P3H2: variants seen among roughly 807,000 people sequenced by gnomAD.
P3H2 encodes prolyl 3-hydroxylase 2.
In P3H2, 80 loss-of-function variants were observed where a neutral mutation model predicts 87.0. That is an observed-to-expected ratio of 0.92 (90% confidence interval 0.77 to 1.11). P3H2 has a LOEUF of 1.11. P3H2 is among the 50% of genes least tolerant of loss of function. P3H2 has a pLI of 0.00. For synonymous variants in P3H2, 367 were observed against 359.3 expected, an observed-to-expected ratio of 1.02 and a Z score of -0.24; for missense variants, 1,001 against 923.9, an observed-to-expected ratio of 1.08 and a Z score of -1.08.
At chr3:190,094,213 C>T (rs2108987547) in intron 1 of P3H2, among the ~76,000 whole-genome samples, 1 of 152,310 alleles carries the variant, frequency 6.6e-6, no homozygotes, top group Admixed American at 6.5e-5. Context: ...ACTATTTCTT[C>T]CACCCAGGAA....
At chr3:189,964,242 A>T in intron 13 of P3H2, 144 bp from the exon 14 acceptor site, 1 of 784,114 alleles carries the variant, frequency 1.3e-6, no homozygotes. Flanking sequence ...GATGTAAATT[A>T]TCTCAATTTT....
chr3:190,050,292 T>C (rs1725937975), intron 1 of P3H2, among the ~76,000 whole-genome samples: 1 of 152,148 alleles, frequency 6.6e-6, no homozygotes, highest in African/African-American at 2.4e-5. Context: ...GTAATGCAAT[T>C]CCTTTTTCCT....
chr3:190,007,985 TAG>T (rs1724448755), intron 1 of P3H2, among the ~76,000 whole-genome samples: 4 of 136,866 alleles, frequency 2.9e-5, no homozygotes, highest in African/African-American at 1.1e-4. Flanking sequence ...TATATATATA[TAG>T]TAAACTTCAG....
At position 190,045,159 on chromosome 3, in the gene P3H2, A is replaced by T. The variant is rs139858565; in HGVS notation, c.481-49717T>A. The stretch of plus-strand genomic sequence containing the variant: ...CTTTGGCATCTCTGAGGAAAAGAAA[A>T]ACATGCTGGATTTTATAGGACCTAA... On this transcript the variant is annotated intron_variant, in intron 1 of 14. Coordinates refer to ENST00000319332, the MANE Select transcript of P3H2 (RefSeq NM_018192.4). Among the ~76,000 whole-genome samples the T allele has an allele frequency of 6.1e-3, 932 of 152,294 alleles. 9 individuals carry two copies. Among genetic ancestry groups the T allele is most frequent in the African/African-American group, 0.02 (824 of 41,556 alleles).
intron 1 of P3H2, among the ~76,000 whole-genome samples, chr3:190,046,810 T>C (rs1725822061): frequency 6.6e-6 from 1 of 152,070 alleles, no homozygotes; most frequent in African/African-American, 2.4e-5. Context: ...TTTAGGGTAA[T>C]TTACCCTATT....
intron 1 of P3H2, among the ~76,000 whole-genome samples, chr3:190,077,222 A>C (rs546581936): frequency 6.6e-6 from 1 of 152,328 alleles, no homozygotes; most frequent in African/African-American, 2.4e-5. Flanking sequence ...GCCTGACAGC[A>C]GACCTGGTCT....
Position 189,963,973 on chromosome 3 carries a change from T to G in P3H2, c.2019A>C (p.Pro673=). 1 of 1,614,188 alleles carries G rather than the reference T, an allele frequency of 6.2e-7. No homozygotes were observed. The highest frequency in any genetic ancestry group is 8.5e-7 in the Non-Finnish European group (1 of 1,180,024). Residue 673 remains proline, a synonymous_variant, in exon 14 of 15, where the codon CCA becomes CCC. Coordinates refer to ENST00000319332, the MANE Select transcript of P3H2 (RefSeq NM_018192.4). ...AGAAACTCACCAATTCTCTATAAAG[T>G]GGGTCCAAGGTGAACCACAGAGCCA... is the stretch of plus-strand genomic sequence containing the variant. The part of the protein sequence containing the change: ...CAVALWFTLD[P]LYRELERIQA...
intron 1 of P3H2, among the ~76,000 whole-genome samples, chr3:190,049,703 A>T (rs1219185450): frequency 6.6e-6 from 1 of 152,178 alleles, no homozygotes; most frequent in East Asian, 1.9e-4. Flanking sequence ...ATACACACAA[A>T]CACAAACACA....
At chr3:190,093,095 T>C (rs973307003) in intron 1 of P3H2, among the ~76,000 whole-genome samples, 2 of 152,200 alleles carry the variant, frequency 1.3e-5, no homozygotes, top group African/African-American at 4.8e-5. Flanking sequence ...AGGGACACAG[T>C]TTGAGAAGTA....
intron 14 of P3H2, among the ~76,000 whole-genome samples, chr3:189,959,361 C>G (rs960318743): frequency 2.7e-5 from 4 of 149,764 alleles, no homozygotes; most frequent in African/African-American, 7.4e-5. Flanking sequence ...CCCACTAACT[C>G]GTCATCTAGC....
intron 1 of P3H2, among the ~76,000 whole-genome samples, chr3:190,012,474 G>A (rs1022800191): frequency 1.3e-5 from 2 of 152,254 alleles, no homozygotes; most frequent in East Asian, 1.9e-4. Context: ...CTGACTGCTC[G>A]TGGTTTACCT....
rs1283699180 is a variant in P3H2 at position 189,987,565 on chromosome 3, C to G, written c.1060G>C (p.Asp354His). 6.2e-7 allele frequency: 1 copy of G among 1,613,936 alleles called. No homozygotes were observed. Among genetic ancestry groups the G allele is most frequent in the Non-Finnish European group, 8.5e-7 (1 of 1,180,006 alleles). Residue 354 changes from aspartate (D) to histidine (H), a missense_variant, in exon 5 of 15, where the codon GAT becomes CAT. Asp to His is a moderately conservative substitution (Grantham distance 81). Transcript: ENST00000319332. ...DNVDYYESLLDDSIDPASIEA... is the reference protein window; with the variant it reads ...DNVDYYESLLHDSIDPASIEA... The stretch of plus-strand genomic sequence containing the variant: ...ATGGATGCCGGGTCAATGCTATCAT[C>G]CAGCAGACTCTCATAGTAATCCACA...
rs374016908 is a variant in P3H2 at position 190,023,507 on chromosome 3, G to A, written c.481-28065C>T. Among the ~76,000 whole-genome samples, 8 of 152,250 alleles carry A rather than the reference G, an allele frequency of 5.3e-5. No homozygotes were observed. The South Asian group carries it at 6.2e-4, about 12-fold the overall frequency. On this transcript the variant is annotated intron_variant, in intron 1 of 14. Transcript: ENST00000319332. ...AGGAAGGAGAAGTGCCGAGTGAAGC[G>A]GGTAGAGCCCCTTATAAAACCATCA...
At chr3:189,964,142 A>G in intron 13 of P3H2, 44 bp from the exon 14 acceptor site, 1 of 1,569,680 alleles carries the variant, frequency 6.4e-7, no homozygotes, top group Non-Finnish European at 8.8e-7. Flanking sequence ...GTTGTATCAT[A>G]AACATTTCCA....
At position 190,021,005 on chromosome 3, in the gene P3H2, T is replaced by C. The variant is rs1414965188; in HGVS notation, c.481-25563A>G. Reference sequence around the variant, plus strand: ...AGACTCAAAAAGGCAAAATAATGTTTTCAAAGTCACTTGGAAAAATCTGAG... The same window carrying C: ...AGACTCAAAAAGGCAAAATAATGTTCTCAAAGTCACTTGGAAAAATCTGAG... On this transcript the variant is annotated intron_variant, in intron 1 of 14. Transcript: ENST00000319332. 3.0e-5 allele frequency among the ~76,000 whole-genome samples: 4 copies of C among 134,470 alleles called. 2 individuals carry two copies. The highest frequency in any genetic ancestry group is 6.6e-5 in the Non-Finnish European group (4 of 60,296). The allele number at this position is 134,470 out of a possible 152,430, so 88.2% of individuals were successfully genotyped here.
intron 1 of P3H2, among the ~76,000 whole-genome samples, chr3:190,098,882 T>C (rs1018997642): frequency 6.6e-5 from 10 of 152,214 alleles, no homozygotes; most frequent in Admixed American, 2.6e-4. Context: ...AAGCTCTTCA[T>C]TGGATTCTTC....
At chr3:190,099,566 A>T (rs76026488) in intron 1 of P3H2, among the ~76,000 whole-genome samples, 10,422 of 152,266 alleles carry the variant, frequency 0.068, 469 homozygotes, top group African/African-American at 0.12. Context: ...ATATTGTGTA[A>T]ATCAGAACAT....
At chr3:189,972,156 C>T (rs1723196934) in intron 11 of P3H2, 149 bp from the exon 12 acceptor site, 1 of 696,600 alleles carries the variant, frequency 1.4e-6, no homozygotes, top group Admixed American at 2.0e-5. Flanking sequence ...GAACAGTGGA[C>T]AAGTAGTTGA....
intron 1 of P3H2, among the ~76,000 whole-genome samples, chr3:190,010,784 G>T (rs1724561816): frequency 6.6e-6 from 1 of 152,170 alleles, no homozygotes; most frequent in Non-Finnish European, 1.5e-5. Flanking sequence ...AGCTTCATTT[G>T]CAATTGAGAA....
Sources: gnomAD v4.1 joint callset for allele counts (sites outside exome capture counted in the v4.1 genomes callset) on GRCh38, gnomAD v4.1.1 for gene constraint, MANE v1.5 for transcripts, NCBI Gene and HGNC (gene_info 2026-07-23, HGNC 2026-07-21) for gene names.